ME1: variants seen among roughly 807,000 people sequenced by gnomAD.
ME1 encodes malic enzyme 1, also known as NADP-dependent malic enzyme.
A neutral mutation model predicts 66.4 loss-of-function variants in ME1; 74 were observed. The observed-to-expected ratio is 1.11, with a 90% CI of 0.92 to 1.35. ME1 has a LOEUF of 1.35. ME1 is among the 40% of genes most tolerant of loss of function. The pLI is 0.00. For missense variants in ME1, 750 were observed against 694.1 expected, an observed-to-expected ratio of 1.08 and a Z score of -0.90; for synonymous variants, 251 against 235.6, an observed-to-expected ratio of 1.07 and a Z score of -0.60.
At chr6:83,280,743 A>C (rs1338095508) in intron 6 of ME1, among the ~76,000 whole-genome samples, 2 of 131,498 alleles carry the variant, frequency 1.5e-5, no homozygotes, top group Non-Finnish European at 3.6e-5. Flanking sequence ...AATGTGTCAG[A>C]ATTTTATAGC....
intron 13 of ME1, among the ~76,000 whole-genome samples, chr6:83,214,713 C>T (rs1488211269): frequency 1.3e-5 from 2 of 152,102 alleles, no homozygotes; most frequent in Non-Finnish European, 2.9e-5. Flanking sequence ...CAGAAGATGC[C>T]CAGGTCTTTT....
Position 83,392,776 on chromosome 6 carries a change from A to G in ME1, c.362+5591T>C, listed in dbSNP as rs16884732. 9.3e-3 allele frequency: 6,330 copies of G among 683,696 alleles called. 274 individuals are homozygous for G. Among genetic ancestry groups the G allele is most frequent in the African/African-American group, 0.092 (5,231 of 56,692 alleles). 42.4% of individuals were successfully genotyped at this position (683,696 alleles called of 1,614,324 possible). On this transcript the variant is annotated intron_variant, in intron 3 of 13. Transcript: ENST00000369705. ...GGAGGGAGGAGCCAAAACGGTCATC[A>G]TCTCTGCACCCTCTGCTGATGCCCC...
chr6:83,344,128 TA>T lies in ME1; in HGVS notation c.600+2044del, dbSNP rs905246546. The stretch of plus-strand genomic sequence containing the variant: ...CCCGTCTAAAAAAAAAAAAAAAGGT[TA>T]AAAAAAATTAGATTGGTGTGGTGGT... On this transcript the variant is annotated intron_variant, in intron 5 of 13. Coordinates refer to ENST00000369705, the MANE Select transcript of ME1 (RefSeq NM_002395.6). 1.8e-4 allele frequency among the ~76,000 whole-genome samples: 27 copies of T among 149,118 alleles called. 1 individual carries two copies. The highest frequency in any genetic ancestry group is 3.0e-4 in the Non-Finnish European group (20 of 67,292).
intron 5 of ME1, among the ~76,000 whole-genome samples, chr6:83,318,555 C>T (rs1377556278): frequency 2.2e-5 from 2 of 90,654 alleles, no homozygotes; most frequent in African/African-American, 7.9e-5. Context: ...TGAAAAAATG[C>T]TCATCATCAC....
At chr6:83,389,743 T>C (rs1203776517) in intron 3 of ME1, among the ~76,000 whole-genome samples, 1 of 151,790 alleles carries the variant, frequency 6.6e-6, no homozygotes, top group Non-Finnish European at 1.5e-5. Flanking sequence ...AAAATACAGG[T>C]AACTTAAGTA....
At chr6:83,274,525 T>G (rs1767141276) in intron 6 of ME1, among the ~76,000 whole-genome samples, 1 of 152,198 alleles carries the variant, frequency 6.6e-6, no homozygotes, top group Admixed American at 6.5e-5. Flanking sequence ...AAAAGGTTGT[T>G]TCAGTTCTTC....
At chr6:83,403,440 C>T (rs1439566714) in intron 2 of ME1, among the ~76,000 whole-genome samples, 3 of 152,136 alleles carry the variant, frequency 2.0e-5, no homozygotes, top group Non-Finnish European at 4.4e-5. Context: ...CTCGCTGCAT[C>T]CTCACATGAG....
At chr6:83,269,569 C>G (rs1346028272) in intron 6 of ME1, among the ~76,000 whole-genome samples, 2 of 152,060 alleles carry the variant, frequency 1.3e-5, no homozygotes, top group African/African-American at 4.8e-5. Context: ...GGCTTTCCCT[C>G]CTGAAATGCA....
intron 3 of ME1, among the ~76,000 whole-genome samples, chr6:83,366,413 TC>T (rs1769101484): frequency 6.6e-6 from 1 of 152,174 alleles, no homozygotes; most frequent in Non-Finnish European, 1.5e-5. Context: ...TTTTTCACTT[TC>T]TTATATGTCT....
intron 12 of ME1, among the ~76,000 whole-genome samples, chr6:83,219,978 G>A (rs1790060206): frequency 6.6e-6 from 1 of 152,136 alleles, no homozygotes; most frequent in African/African-American, 2.4e-5. Flanking sequence ...GCTCTACAGT[G>A]TATAGATTGT....
chr6:83,354,272 G>A (rs906767668), intron 3 of ME1, among the ~76,000 whole-genome samples: 36 of 152,170 alleles, frequency 2.4e-4, no homozygotes, highest in Middle Eastern at 3.4e-3. Flanking sequence ...GATTACAGGC[G>A]CCTGCCACCA....
At chr6:83,371,587 G>C (rs530753477) in intron 3 of ME1, among the ~76,000 whole-genome samples, 1 of 152,178 alleles carries the variant, frequency 6.6e-6, no homozygotes, top group African/African-American at 2.4e-5. Flanking sequence ...AGACAGACTT[G>C]GTATACTGCC....
intron 5 of ME1, among the ~76,000 whole-genome samples, chr6:83,325,956 A>AC (rs1187388542): frequency 1.3e-5 from 2 of 151,280 alleles, no homozygotes; most frequent in African/African-American, 4.8e-5. Context: ...AACAAAAAAA[A>AC]AAAAAAACAA....
chr6:83,272,088 T>C (rs1313456667), intron 6 of ME1, among the ~76,000 whole-genome samples: 1 of 152,202 alleles, frequency 6.6e-6, no homozygotes, highest in Admixed American at 6.5e-5. Context: ...CACAGGTGAC[T>C]ATAGTCACCC....
At chr6:83,215,086 A>C (rs1583322343) in intron 13 of ME1, among the ~76,000 whole-genome samples, 1 of 152,220 alleles carries the variant, frequency 6.6e-6, no homozygotes, top group Admixed American at 6.5e-5. Context: ...ATATATGAAC[A>C]TACTTTTTCA....
chr6:83,374,320 T>C (rs150653780), intron 3 of ME1, among the ~76,000 whole-genome samples: 4 of 152,344 alleles, frequency 2.6e-5, no homozygotes, highest in African/African-American at 9.6e-5. Context: ...AGTTTCTTAT[T>C]GTGGTTTTGA....
intron 6 of ME1, among the ~76,000 whole-genome samples, chr6:83,255,308 AG>A (rs1158947825): frequency 1.3e-5 from 2 of 151,874 alleles, no homozygotes; most frequent in African/African-American, 4.8e-5. Flanking sequence ...CATTAAGAAT[AG>A]TACCTTCTGT....
At chr6:83,409,334 T>A (rs960261336) in intron 1 of ME1, among the ~76,000 whole-genome samples, 1 of 152,226 alleles carries the variant, frequency 6.6e-6, no homozygotes, top group African/African-American at 2.4e-5. Flanking sequence ...AACTTTGCAC[T>A]GAGTGATTCT....
At chr6:83,372,489 A>C (rs771067739) in intron 3 of ME1, among the ~76,000 whole-genome samples, 1 of 152,196 alleles carries the variant, frequency 6.6e-6, no homozygotes, top group Non-Finnish European at 1.5e-5. Flanking sequence ...TGATCCACTC[A>C]TGTGGATTCT....
Sources: gnomAD v4.1 joint callset for allele counts (sites outside exome capture counted in the v4.1 genomes callset) on GRCh38, gnomAD v4.1.1 for gene constraint, MANE v1.5 for transcripts, NCBI Gene and HGNC (gene_info 2026-07-23, HGNC 2026-07-21) for gene names.